NGDN: variants seen among roughly 807,000 people sequenced by gnomAD.
NGDN encodes the protein EIF4E-binding protein.
Under a neutral mutation model 45.2 loss-of-function variants are expected in NGDN, and 41 were observed. The observed-to-expected ratio is 0.91, with a 90% CI of 0.71 to 1.18. The LOEUF (loss-of-function observed/expected upper bound fraction) is 1.18. NGDN is among the 50% of genes most tolerant of loss of function. The pLI, the probability that NGDN is intolerant of heterozygous loss-of-function variation, is 0.00. For missense variants in NGDN, 402 were observed against 399.9 expected, an observed-to-expected ratio of 1.01 and a Z score of -0.05; for synonymous variants, 137 against 130.9, an observed-to-expected ratio of 1.05 and a Z score of -0.32.
intron 10 of NGDN, 83 bp downstream of exon 10, chr14:23,477,643 C>T (rs1314840349): frequency 6.3e-7 from 1 of 1,592,142 alleles, no homozygotes; most frequent in East Asian, 2.3e-5. Context: ...CATTCTGGGT[C>T]TCACCAAGCC....
intron 6 of NGDN, 104 bp downstream of exon 6, chr14:23,475,882 T>G: frequency 6.1e-6 from 9 of 1,470,558 alleles, no homozygotes; most frequent in Non-Finnish European, 8.4e-6. Context: ...GACTTGATTT[T>G]CCAACTTGTG....
rs777416712 is a variant in NGDN at position 23,477,561 on chromosome 14, G to T, written c.928+1G>T. 1.9e-6 allele frequency: 3 copies of T among 1,614,118 alleles called. No individual in the cohort carries two copies. The highest frequency in any genetic ancestry group is 1.6e-4 in the Middle Eastern group (1 of 6,062). On this transcript the variant is annotated splice_donor_variant, in intron 10 of 10. Coordinates refer to ENST00000408901, the MANE Select transcript of NGDN (RefSeq NM_001042635.2). LOFTEE classifies it high-confidence loss of function. ...CCTCAGAAAGGTCGGAAGAAAAAAG[G>T]TCAGTGAACTGCTGGGACTTAGGTG... is the stretch of plus-strand genomic sequence containing the variant.
chr14:23,472,089 G>A (rs908165409), intron 3 of NGDN, among the ~76,000 whole-genome samples: 4 of 150,718 alleles, frequency 2.7e-5, no homozygotes, highest in African/African-American at 9.8e-5. Flanking sequence ...GGAGGCTGAG[G>A]TGAATGGATC....
Position 23,477,508 on chromosome 14 carries a change from G to C in NGDN, c.876G>C (p.Gln292His). 9 of 1,614,168 alleles carry C rather than the reference G, an allele frequency of 5.6e-6. No homozygotes were observed. The highest frequency in any genetic ancestry group is 7.6e-6 in the Non-Finnish European group (9 of 1,180,020). Residue 292 changes from glutamine to histidine, a missense_variant, in exon 10 of 11, where the codon CAG becomes CAC. Physicochemically the swap from Gln to His is conservative, Grantham distance 24 (BLOSUM62 0). Coordinates refer to ENST00000408901, the MANE Select transcript of NGDN (RefSeq NM_001042635.2). ...ACTTCTCCATCTGTCTCCAGGATCA[G>C]AATCCTATTAAGAAGCGGAAGAAGA... ...TGGTVHLDED[Q>H]NPIKKRKKIP... is the part of the protein sequence containing the mutation.
chr14:23,469,894 C>G, intron 1 of NGDN, 148 bp from the exon 2 acceptor site: 1 of 1,247,256 alleles, frequency 8.0e-7, no homozygotes, highest in South Asian at 1.3e-5. Context: ...AAGGGGCTGG[C>G]TTTAAGGCGA....
At chr14:23,477,410 T>C (rs1424108832) in intron 9 of NGDN, 54 bp downstream of exon 9, 4 of 1,612,326 alleles carry the variant, frequency 2.5e-6, no homozygotes, top group Non-Finnish European at 3.4e-6. Context: ...TTCAGCAAAA[T>C]GTATGTGGGG....
chr14:23,478,162 T>A lies in NGDN; in HGVS notation c.*136T>A. 2.2e-6 allele frequency: 2 copies of A among 899,236 alleles called. No individual in the cohort carries two copies. Among genetic ancestry groups the A allele is most frequent in the Non-Finnish European group, 3.5e-6 (2 of 579,294 alleles). The allele number at this position is 899,236 out of a possible 1,614,324, so 55.7% of individuals were successfully genotyped here. On this transcript the variant is annotated 3_prime_UTR_variant, in exon 11 of 11. Coordinates refer to ENST00000408901, the MANE Select transcript of NGDN (RefSeq NM_001042635.2). ...AAAGAGCCTTACTAATAAAATTGAT[T>A]TTGCTTATGAATTAAAGCCCCTTTT... is the stretch of plus-strand genomic sequence containing the variant.
rs141424450 is a variant in NGDN at position 23,474,217 on chromosome 14, G to A, written c.145-954G>A. On this transcript the variant is annotated intron_variant, in intron 3 of 10. Transcript: ENST00000408901. The stretch of plus-strand genomic sequence containing the variant: ...TAGCATGTTGGCTTAAAGACATCCA[G>A]GGATGAGGTGTTGGAGTCAGATTGA... 1.1e-3 allele frequency among the ~76,000 whole-genome samples: 162 copies of A among 152,210 alleles called. 1 individual carries two copies. The highest frequency in any genetic ancestry group is 3.6e-3 in the African/African-American group (149 of 41,528).
In NGDN at chr14:23,475,796, TCTC is replaced by T. The variant is rs746746648; in HGVS notation, c.420+21_420+23del. 3.0e-5 allele frequency: 48 copies of T among 1,609,136 alleles called. No individual in the cohort carries two copies. In the South Asian group the frequency reaches 4.4e-4, roughly 15 times the overall value. ...TGAGCAAGGTAAGGGGTTGTAGTATTCTCCTGATTTTTTTCTGAGGCAGCTATA... is the reference window on the plus strand; with the variant it reads ...TGAGCAAGGTAAGGGGTTGTAGTATTCTGATTTTTTTCTGAGGCAGCTATA... On this transcript the variant is annotated intron_variant, in intron 6 of 10. Coordinates refer to ENST00000408901, the MANE Select transcript of NGDN (RefSeq NM_001042635.2).
Position 23,475,245 on chromosome 14 carries a change from C to A in NGDN, c.219C>A (p.Asp73Glu). 3 of 1,614,064 alleles carry A rather than the reference C, an allele frequency of 1.9e-6. No homozygotes were observed. The highest frequency in any genetic ancestry group is 1.7e-6 in the Non-Finnish European group (2 of 1,179,920). Residue 73 changes from aspartate (D) to glutamate (E), a missense_variant, in exon 4 of 11, where the codon GAC becomes GAA. By Grantham distance (45) the Asp-to-Glu change is conservative (BLOSUM62 2). Transcript: ENST00000408901. Reference sequence around the variant, plus strand: ...TGGATTTGACCCACCTCATTCTGGACAAAGCCTCAGGAGGATCTCTTCAGG... The same window carrying A: ...TGGATTTGACCCACCTCATTCTGGAAAAAGCCTCAGGAGGATCTCTTCAGG... ...YLMDLTHLIL[D>E]KASGGSLQGH...
Position 23,476,103 on chromosome 14 carries a change from G to A in NGDN, c.495G>A (p.Lys165=), listed in dbSNP as rs543894820. 1 of 1,614,168 alleles carries A rather than the reference G, an allele frequency of 6.2e-7. No individual in the cohort carries two copies. Among genetic ancestry groups the A allele is most frequent in the Admixed American group, 1.7e-5 (1 of 60,026 alleles). ...AGGCTTCAGGGAAGAAATCTGTGAAGGGAGTGTCTAAGAAATATGTTCCTC... is the reference window on the plus strand; with the variant it reads ...AGGCTTCAGGGAAGAAATCTGTGAAAGGAGTGTCTAAGAAATATGTTCCTC... ...QSEASGKKSV[K]GVSKKYVPPR... The change falls in exon 7 of 11, where the codon AAG becomes AAA. Residue 165 remains lysine (K), a synonymous_variant. Transcript: ENST00000408901.
At chr14:23,472,065 G>C (rs780946153) in intron 3 of NGDN, among the ~76,000 whole-genome samples, 35 of 150,574 alleles carry the variant, frequency 2.3e-4, no homozygotes, top group Non-Finnish European at 4.3e-4. Context: ...TGTGCCTGTA[G>C]TCCCAGCTAC....
downstream of NGDN, chr14:23,478,505 A>G (rs1157328766): frequency 2.6e-5 from 4 of 153,866 alleles, no homozygotes; most frequent in Non-Finnish European, 5.8e-5. Context: ...TAAGTGGTTC[A>G]AGAAACTTGA....
chr14:23,470,809 A>G (rs938479811), intron 2 of NGDN, 97 bp from the exon 3 acceptor site: 2 of 867,308 alleles, frequency 2.3e-6, no homozygotes, highest in Non-Finnish European at 1.8e-6. Context: ...AGTGTTTCAG[A>G]TAATTTTTAG....
At chr14:23,476,003 A>C in intron 6 of NGDN, 26 bp from the exon 7 acceptor site, 2 of 1,613,934 alleles carry the variant, frequency 1.2e-6, no homozygotes, top group Non-Finnish European at 1.7e-6. Flanking sequence ...TGCTTCCTAA[A>C]TTTGCAGACA....
chr14:23,470,092 C>T lies in NGDN; in HGVS notation c.63C>T (p.Leu21=), dbSNP rs1018066829. The change falls in exon 2 of 11, where the codon CTC becomes CTT. Residue 21 remains leucine (L), a synonymous_variant. Transcript: ENST00000408901. ...GTGCCGTGACACTTCTGAAAAATCT[C>T]CAGGAGCAAGTGAGTAGTGTCGCCT... ...LPSAVTLLKN[L]QEQVMAVTAQ... is the part of the protein sequence containing the mutation. 2.5e-6 allele frequency: 4 copies of T among 1,613,996 alleles called. No homozygotes were observed. The highest frequency in any genetic ancestry group is 3.4e-6 in the Non-Finnish European group (4 of 1,179,894).
intron 9 of NGDN, 37 bp from the exon 10 acceptor site, chr14:23,477,466 C>T (rs1259965569): frequency 1.2e-6 from 2 of 1,613,606 alleles, no homozygotes; most frequent in Non-Finnish European, 1.7e-6. Context: ...CTCTCAGAAC[C>T]ACAGTGCCAT....
chr14:23,471,036 T>C, intron 3 of NGDN, 59 bp downstream of exon 3: 1 of 1,184,030 alleles, frequency 8.4e-7, no homozygotes, highest in Non-Finnish European at 1.2e-6. Context: ...AGTTCTTTCA[T>C]TGTATGTTTA....
intron 3 of NGDN, among the ~76,000 whole-genome samples, chr14:23,473,898 C>T (rs922854219): frequency 6.6e-6 from 1 of 151,852 alleles, no homozygotes; most frequent in Non-Finnish European, 1.5e-5. Flanking sequence ...ATTAGCCGGG[C>T]GTGGTGGGAG....
Sources: gnomAD v4.1 joint callset for allele counts (sites outside exome capture counted in the v4.1 genomes callset) on GRCh38, gnomAD v4.1.1 for gene constraint, MANE v1.5 for transcripts, NCBI Gene and HGNC (gene_info 2026-07-23, HGNC 2026-07-21) for gene names.